NBPF15: variants seen among roughly 807,000 people sequenced by gnomAD.
The protein encoded by NBPF15 is NBPF member 15.
A neutral mutation model predicts 62.2 loss-of-function variants in NBPF15; 74 were observed. The ratio of observed to expected loss-of-function variants is 1.19; its 90% confidence interval spans 0.99 to 1.44. The LOEUF (loss-of-function observed/expected upper bound fraction) is 1.44, where lower values mean the gene tolerates loss of function less well. Ranked by LOEUF, NBPF15 falls within the 40% of genes most tolerant of loss-of-function variation. NBPF15 has a pLI of 0.00. For synonymous variants in NBPF15, 244 were observed against 209.7 expected, an observed-to-expected ratio of 1.16 and a Z score of -1.41; for missense variants, 790 against 550.0, an observed-to-expected ratio of 1.44 and a Z score of -4.36.
In NBPF15 at chr1:144,441,301, G is replaced by A. The variant is rs1254980632; in HGVS notation, c.-190-1006C>T. 3.0e-3 allele frequency among the ~76,000 whole-genome samples: 448 copies of A among 151,738 alleles called. 5 individuals are homozygous for A. In the South Asian group the frequency reaches 0.038, roughly 13 times the overall value. On this transcript the variant is annotated intron_variant, in intron 6 of 21. Coordinates refer to ENST00000581897, the MANE Select transcript of NBPF15 (RefSeq NM_001385408.1). Reference sequence around the variant, plus strand: ...TTTTACATTTCTATGAAAGATGTAGGCCATTTTCAGTTGCTCTACATTCCC... The same window carrying A: ...TTTTACATTTCTATGAAAGATGTAGACCATTTTCAGTTGCTCTACATTCCC...
intron 13 of NBPF15, among the ~76,000 whole-genome samples, chr1:144,430,353 G>A (rs1475327719): frequency 6.6e-6 from 1 of 151,692 alleles, no homozygotes; most frequent in South Asian, 2.1e-4. Flanking sequence ...CCAACAAATA[G>A]GAAGAAAGCA....
chr1:144,442,141 A>ATATAATATATATACACGTGTATATATAT (rs1683506279), intron 6 of NBPF15, among the ~76,000 whole-genome samples: 1 of 11,914 alleles, frequency 8.4e-5, no homozygotes, highest in African/African-American at 1.7e-4. Context: ...GTATATATAT[A>ATATAATATATATACACGTGTATATATAT]TATATAATAT....
In NBPF15 at chr1:144,423,942, C is replaced by T. The variant is rs1333413338; in HGVS notation, c.1697G>A (p.Arg566Lys). Residue 566 changes from arginine (R) to lysine (K), a missense_variant, in exon 21 of 22, where the codon AGG (arginine) becomes AAG (lysine). Arg to Lys is a conservative substitution (Grantham distance 26). Transcript: ENST00000581897. ...TCTTTTCTTCTTTGATCTTCTTCCC[C>T]TTCTTTTCTTCCCCTTCCCCTTCTT... ...IEKKGKGKKR[R>K]GRRSKKKRRR... is the part of the protein sequence containing the mutation. 4 of 780,764 alleles carry T rather than the reference C, an allele frequency of 5.1e-6. No homozygotes were observed. The highest frequency in any genetic ancestry group is 3.4e-5 in the Admixed American group (2 of 58,884). 48.4% of individuals were successfully genotyped at this position (780,764 alleles called of 1,614,324 possible). A position where few individuals can be genotyped will look rare whatever the true frequency, so the allele number is the denominator to read the frequency against.
chr1:144,460,046 T>G (rs1169739277), intron 2 of NBPF15, among the ~76,000 whole-genome samples: 7 of 121,094 alleles, frequency 5.8e-5, no homozygotes, highest in Non-Finnish European at 1.2e-4. Context: ...TTTTTTTTTT[T>G]TTTTTTTTTT....
chr1:144,424,086 C>T (rs1342689785), intron 20 of NBPF15, 111 bp from the exon 21 acceptor site: 74 of 754,496 alleles, frequency 9.8e-5, no homozygotes, highest in East Asian at 6.1e-4. Flanking sequence ...CATAAGAATA[C>T]GACACCATGA....
chr1:144,426,434 G>T lies in NBPF15; in HGVS notation c.1282C>A (p.Leu428Met). 5.1e-6 allele frequency: 4 copies of T among 786,992 alleles called. No homozygotes were observed. The highest frequency in any genetic ancestry group is 7.0e-6 in the Non-Finnish European group (3 of 430,128). The allele number at this position is 786,992 out of a possible 1,614,324, so 48.8% of individuals were successfully genotyped here. A position where few individuals can be genotyped will look rare whatever the true frequency, so the allele number is the denominator to read the frequency against. The change falls in exon 18 of 22, where the codon CTG (leucine) becomes ATG (methionine). Residue 428 changes from leucine (L) to methionine (M), a missense_variant. By Grantham distance (15) the Leu-to-Met change is conservative. Transcript: ENST00000581897. Reference sequence around the variant, plus strand: ...AAGACTTCAGGCTCTTTCTCATCCAGCAGCTCCCTGCTGAGCCTGGAAAAG... The same window carrying T: ...AAGACTTCAGGCTCTTTCTCATCCATCAGCTCCCTGCTGAGCCTGGAAAAG... ...PSCPRLSREL[L>M]DEKEPEVLQD... is the part of the protein sequence containing the mutation.
At chr1:144,442,483 C>T (rs1409220146) in intron 6 of NBPF15, 1 of 149,220 alleles carries the variant, frequency 6.7e-6, no homozygotes, top group Non-Finnish European at 1.5e-5. Context: ...CTAGCAGAGT[C>T]GTGGCGAGGA....
At chr1:144,445,900 A>G (rs1294585755) in intron 6 of NBPF15, among the ~76,000 whole-genome samples, 1 of 127,318 alleles carries the variant, frequency 7.9e-6, no homozygotes, top group Non-Finnish European at 1.6e-5. Context: ...TCTGTTACCC[A>G]GGCTGGAGTG....
intron 6 of NBPF15, among the ~76,000 whole-genome samples, chr1:144,447,636 AAGG>A (rs1688530940): frequency 1.3e-5 from 2 of 151,852 alleles, no homozygotes; most frequent in Admixed American, 6.6e-5. Context: ...GGGGAAACAA[AAGG>A]AGAATACTAG....
At chr1:144,441,173 T>A (rs1454226585) in intron 6 of NBPF15, among the ~76,000 whole-genome samples, 4 of 151,838 alleles carry the variant, frequency 2.6e-5, no homozygotes, top group Non-Finnish European at 5.9e-5. Flanking sequence ...ATTATTTCTG[T>A]GAAGATACAT....
rs782565580 is a variant in NBPF15 at position 144,423,185 on chromosome 1, G to A, written c.1841C>T (p.Thr614Ile). ...LQDSLDRCYS[T>I]PSMYFEQPDS... is the part of the protein sequence containing the mutation. ...AGGTTGTTCAAAGTACATTGACGGA[G>A]TCGAATAACATCTATCCAGTGAGTC... The change falls in exon 22 of 22, where the codon ACT becomes ATT. Residue 614 changes from threonine (T) to isoleucine (I), a missense_variant. By Grantham distance (89) the Thr-to-Ile change is moderately conservative. Transcript: ENST00000581897. 7.4e-6 allele frequency: 12 copies of A among 1,611,590 alleles called. 1 individual carries two copies. The highest frequency in any genetic ancestry group is 2.3e-4 in the Middle Eastern group (1 of 4,436).
intron 16 of NBPF15, 150 bp downstream of exon 16, chr1:144,427,668 G>A: frequency 1.6e-5 from 10 of 636,324 alleles, no homozygotes; most frequent in Middle Eastern, 4.3e-4. Context: ...CTTCCAAGTG[G>A]AACTAGAGTT....
chr1:144,444,505 A>G (rs1685854539), intron 6 of NBPF15, among the ~76,000 whole-genome samples: 1 of 151,776 alleles, frequency 6.6e-6, no homozygotes, highest in Non-Finnish European at 1.5e-5. Flanking sequence ...TCTGTGATTT[A>G]GCAGGAGACA....
At chr1:144,451,813 ACTT>A (rs1381819845) in intron 4 of NBPF15, among the ~76,000 whole-genome samples, 1 of 151,272 alleles carries the variant, frequency 6.6e-6, no homozygotes, top group Non-Finnish European at 1.5e-5. Flanking sequence ...TCTTATGTCT[ACTT>A]CTTCCTACAC....
chr1:144,439,791 A>T, intron 8 of NBPF15, 38 bp downstream of exon 8: 3 of 1,509,012 alleles, frequency 2.0e-6, no homozygotes, highest in South Asian at 2.2e-5. Context: ...ACAGGACATC[A>T]TTCATCACTT....
chr1:144,442,109 T>TA (rs1553542799), intron 6 of NBPF15, among the ~76,000 whole-genome samples: 1 of 75,554 alleles, frequency 1.3e-5, no homozygotes, highest in East Asian at 3.9e-4. Context: ...CGTGTATATA[T>TA]ATATATAATA....
chr1:144,439,990 G>C lies in NBPF15; in HGVS notation c.14C>G (p.Ala5Gly). 6.2e-7 allele frequency: 1 copy of C among 1,608,828 alleles called. No homozygotes were observed. Among genetic ancestry groups the C allele is most frequent in the Non-Finnish European group, 8.5e-7 (1 of 1,176,960 alleles). Residue 5 changes from alanine (A) to glycine (G), a missense_variant, in exon 8 of 22, where the codon GCC becomes GGC. Physicochemically the swap from Ala to Gly is moderately conservative, Grantham distance 60 (BLOSUM62 0). Transcript: ENST00000581897. MVVS[A>G]GPLSSEKAEM... ...TGCCTTCTCGCTGGACAAAGGGCCG[G>C]CTGATACCACCATGCTGACGTTTGT...
At chr1:144,455,729 CGT>C (rs1214501374) in intron 4 of NBPF15, among the ~76,000 whole-genome samples, 55 of 150,648 alleles carry the variant, frequency 3.7e-4, no homozygotes, top group Middle Eastern at 3.4e-3. Flanking sequence ...TGGACGGCCA[CGT>C]GAGAAGGATA....
Position 144,422,985 on chromosome 1 carries a change from T to A in NBPF15, c.*28A>T, listed in dbSNP as rs1666737084. 4.3e-6 allele frequency: 7 copies of A among 1,611,666 alleles called. No homozygotes were observed. The South Asian group carries it at 6.6e-5, about 15-fold the overall frequency. On this transcript the variant is annotated 3_prime_UTR_variant, in exon 22 of 22. Coordinates refer to ENST00000581897, the MANE Select transcript of NBPF15 (RefSeq NM_001385408.1). ...TGCCTATAGGTCCTGCCTGCAGGAA[T>A]GACATCTCTCGGCTTAGTAAGAGCT...
Sources: allele counts gnomAD v4.1 joint callset (sites outside exome capture counted in the v4.1 genomes callset), GRCh38; gene constraint gnomAD v4.1.1; transcripts MANE v1.5; gene names NCBI Gene and HGNC (gene_info 2026-07-23, HGNC 2026-07-21).